The following FAM151A variants were observed in gnomAD, a reference collection of about 807,000 sequenced individuals.
The protein encoded by FAM151A is protein FAM151A.
FAM151A carries 41 observed loss-of-function variants against 40.4 expected under a neutral mutation model. That is an observed-to-expected ratio of 1.01 (90% confidence interval 0.79 to 1.32). The LOEUF (loss-of-function observed/expected upper bound fraction) is 1.32, where lower values mean the gene tolerates loss of function less well. Among genes scored for constraint, FAM151A ranks in the 40% most tolerant of loss-of-function variants. The probability of loss-of-function intolerance (pLI) is 0.00; values close to 1 mark genes in which losing one functional copy is unlikely to be tolerated. For synonymous variants in FAM151A, 337 were observed against 312.5 expected, an observed-to-expected ratio of 1.08 and a Z score of -0.83; for missense variants, 740 against 740.4, an observed-to-expected ratio of 1.00 and a Z score of 0.01.
In FAM151A at chr1:54,612,607, T is replaced by C. The variant is rs1458732533; in HGVS notation, c.679A>G (p.Met227Val). 1.9e-6 allele frequency: 3 copies of C among 1,614,070 alleles called. No individual in the cohort carries two copies. Among genetic ancestry groups the C allele is most frequent in the East Asian group, 2.2e-5 (1 of 44,862 alleles). ...ACCAGCTCGTGCATCTTCTCCACCATGGCTTGGGTGTACGTCCTGTTTGGG... is the reference window on the plus strand; with the variant it reads ...ACCAGCTCGTGCATCTTCTCCACCACGGCTTGGGTGTACGTCCTGTTTGGG... ...TSPNRTYTQA[M>V]VEKMHELVGG... is the part of the protein sequence containing the mutation. The change falls in exon 5 of 8, where the codon ATG becomes GTG. Residue 227 changes from methionine to valine, a missense_variant. Transcript: ENST00000302250.
At chr1:54,612,458 G>A in intron 5 of FAM151A, 28 bp downstream of exon 5, 1 of 1,549,754 alleles carries the variant, frequency 6.5e-7, no homozygotes. Flanking sequence ...GCCTCCAGGA[G>A]GGTGGGGGTG....
In FAM151A at chr1:54,623,388, C is replaced by T. The variant is rs769694223; in HGVS notation, c.8G>A (p.Cys3Tyr). MV[C>Y]REQLSKNQVK... ...CTGATTCTTTGATAACTGCTCCCTG[C>T]AGACCATGGCGACGCTCTCTGGGGA... The change falls in exon 1 of 8, where the codon TGC (cysteine) becomes TAC (tyrosine). Residue 3 changes from cysteine (C) to tyrosine (Y), a missense_variant. Transcript: ENST00000302250. The T allele has an allele frequency of 1.2e-6, 2 of 1,613,266 alleles. No individual in the cohort carries two copies. Among genetic ancestry groups the T allele is most frequent in the East Asian group, 2.2e-5 (1 of 44,856 alleles).
At chr1:54,620,081 A>T in intron 1 of FAM151A, 74 bp from the exon 2 acceptor site, 1 of 1,507,388 alleles carries the variant, frequency 6.6e-7, no homozygotes, top group East Asian at 2.3e-5. Context: ...TCATCCCATG[A>T]CCCTCCCTGG....
rs983033840 is a variant in FAM151A at position 54,619,958 on chromosome 1, C to T, written c.168G>A (p.Leu56=). The change falls in exon 2 of 8, where the codon CTG becomes CTA. Residue 56 remains leucine (L), a synonymous_variant. Transcript: ENST00000302250. The part of the protein sequence containing the change: ...CSPDADMLDY[L]LSLGQISRRD... ...GCCGGCTGATCTGGCCCAGGCTCAG[C>T]AGGTAGTCCAGCATGTCGGCATCAG... The T allele has an allele frequency of 5.0e-6, 8 of 1,614,064 alleles. No individual in the cohort carries two copies. In the African/African-American group the frequency reaches 1.1e-4, roughly 22 times the overall value.
rs754257162 is a variant in FAM151A, at chr1:54,609,244, C to T, written c.*24G>A. On this transcript the variant is annotated 3_prime_UTR_variant, in exon 8 of 8. Coordinates refer to ENST00000302250, the MANE Select transcript of FAM151A (RefSeq NM_176782.3). ...CGTGGGAAGCCTCCGCCCTGAGGTC[C>T]GCTGGCCCACCACCCCTGGGTGCTC... 2.1e-5 allele frequency: 34 copies of T among 1,593,476 alleles called. No individual in the cohort carries two copies. Among genetic ancestry groups the T allele is most frequent in the East Asian group, 6.7e-5 (3 of 44,634 alleles).
intron 1 of FAM151A, among the ~76,000 whole-genome samples, chr1:54,620,740 T>C (rs1309259536): frequency 6.7e-6 from 1 of 148,656 alleles, no homozygotes; most frequent in Non-Finnish European, 1.5e-5. Context: ...TCCCAGCTAC[T>C]CGGGAGGCTG....
rs181419788 is a variant in FAM151A at position 54,612,513 on chromosome 1, A to G, written c.773T>C (p.Phe258Ser). The change falls in exon 5 of 8, where the codon TTC becomes TCC. Residue 258 changes from phenylalanine (F) to serine (S), a missense_variant. Phe to Ser is a radical substitution (Grantham distance 155). Transcript: ENST00000302250. ...SSMVRAAWPH[F>S]SWLLSQSERY... ...CTCAGATTGGCTCAGCAGCCAGCTGAAGTGGGGCCAGGCAGCCCGCACCAT... is the reference window on the plus strand; with the variant it reads ...CTCAGATTGGCTCAGCAGCCAGCTGGAGTGGGGCCAGGCAGCCCGCACCAT... 127 of 1,613,964 alleles carry G rather than the reference A, an allele frequency of 7.9e-5. 1 individual carries two copies. The East Asian group carries it at 2.7e-3, about 34-fold the overall frequency.
rs746850438 is a variant in FAM151A, at chr1:54,614,656, A to G, written c.575+44T>C. 6 of 1,571,188 alleles carry G rather than the reference A, an allele frequency of 3.8e-6. No homozygotes were observed. In the African/African-American group the frequency reaches 6.8e-5, roughly 18 times the overall value. On this transcript the variant is annotated intron_variant, in intron 4 of 7. Coordinates refer to ENST00000302250, the MANE Select transcript of FAM151A (RefSeq NM_176782.3). ...TCCCCATCCTGTGGTAGGTGTTGAC[A>G]GAAGAGGGCTGGACACAGCTGGGAC... is the stretch of plus-strand genomic sequence containing the variant.
At chr1:54,611,775 G>A in intron 5 of FAM151A, 30 bp from the exon 6 acceptor site, 1 of 1,613,050 alleles carries the variant, frequency 6.2e-7, no homozygotes, top group East Asian at 2.2e-5. Flanking sequence ...CTCAGTGCCT[G>A]TCTGGGCCCA....
In FAM151A at chr1:54,610,260, TCCCTCCCCGCAA is replaced by T. The variant is rs1348882687; in HGVS notation, c.1084+140_1084+151del. 6 of 1,473,932 alleles carry T rather than the reference TCCCTCCCCGCAA, an allele frequency of 4.1e-6. No homozygotes were observed. In the East Asian group the frequency reaches 1.4e-4, roughly 35 times the overall value. 91.3% of individuals were successfully genotyped at this position (1,473,932 alleles called of 1,614,324 possible). Reference sequence around the variant, plus strand: ...GCTCTTGACATCACTGTACTCCCTCTCCCTCCCCGCAACCCTGCCCCACCTTGCATCCAGGGT... The same window carrying T: ...GCTCTTGACATCACTGTACTCCCTCTCCCTGCCCCACCTTGCATCCAGGGT... On this transcript the variant is annotated intron_variant, in intron 7 of 7. Transcript: ENST00000302250.
intron 2 of FAM151A, among the ~76,000 whole-genome samples, chr1:54,617,947 G>A (rs1049420847): frequency 4.0e-5 from 6 of 150,880 alleles, no homozygotes; most frequent in African/African-American, 9.8e-5. Flanking sequence ...GCCTTGTCTC[G>A]AACTCCTGAC....
chr1:54,615,280 C>T (rs1644160927), intron 3 of FAM151A, among the ~76,000 whole-genome samples: 1 of 152,072 alleles, frequency 6.6e-6, no homozygotes, highest in South Asian at 2.1e-4. Flanking sequence ...GAGATCTCTG[C>T]AGAGAAAGGA....
At chr1:54,621,255 A>G (rs1644227733) in intron 1 of FAM151A, among the ~76,000 whole-genome samples, 1 of 151,798 alleles carries the variant, frequency 6.6e-6, no homozygotes. Flanking sequence ...TCAGGAGTTC[A>G]CGATCAGCCT....
At chr1:54,614,410 A>C (rs1466768221) in intron 4 of FAM151A, among the ~76,000 whole-genome samples, 1 of 133,862 alleles carries the variant, frequency 7.5e-6, no homozygotes, top group Non-Finnish European at 1.7e-5. Flanking sequence ...AGCCCCATGA[A>C]GTCAGGGCTG....
In FAM151A at chr1:54,612,473, T is replaced by C. The variant is rs552242294; in HGVS notation, c.800+13A>G. ...GCCTCCAGGAGGGTGGGGGTGGGTT[T>C]GGTGGTTTTCACCTCTCAGATTGGC... On this transcript the variant is annotated intron_variant, in intron 5 of 7. Coordinates refer to ENST00000302250, the MANE Select transcript of FAM151A (RefSeq NM_176782.3). 6.2e-7 allele frequency: 1 copy of C among 1,604,682 alleles called. No homozygotes were observed. The highest frequency in any genetic ancestry group is 2.2e-5 in the East Asian group (1 of 44,718).
chr1:54,611,165 G>GA, intron 6 of FAM151A: 2 of 490,670 alleles, frequency 4.1e-6, no homozygotes, highest in Non-Finnish European at 2.6e-6. Context: ...TCAGGCAGGT[G>GA]GCTCATGCCT....
intron 6 of FAM151A, chr1:54,611,139 A>G (rs1644113068): frequency 1.6e-6 from 1 of 640,704 alleles, no homozygotes; most frequent in Admixed American, 6.3e-5. Context: ...GTTTCTCTAT[A>G]AAATGAATGT....
chr1:54,613,705 C>CA (rs1207458876), intron 4 of FAM151A, among the ~76,000 whole-genome samples: 1 of 152,118 alleles, frequency 6.6e-6, no homozygotes, highest in African/African-American at 2.4e-5. Context: ...ACTGCCCACC[C>CA]AAAAAAACCC....
intron 1 of FAM151A, among the ~76,000 whole-genome samples, chr1:54,621,139 T>C (rs957926569): frequency 6.8e-6 from 1 of 146,226 alleles, no homozygotes; most frequent in Non-Finnish European, 1.5e-5. Context: ...CCATCCTGGG[T>C]GACACAGTGA....
Sources: gnomAD v4.1 joint callset for allele counts (sites outside exome capture counted in the v4.1 genomes callset) on GRCh38, gnomAD v4.1.1 for gene constraint, MANE v1.5 for transcripts, NCBI Gene and HGNC (gene_info 2026-07-23, HGNC 2026-07-21) for gene names.